The following GOLGA8B variants were observed in gnomAD, a reference collection of about 807,000 sequenced individuals.
GOLGA8B encodes golgin A8 family member B.
Under a neutral mutation model 15.6 loss-of-function variants are expected in GOLGA8B, and 1 was observed. That is an observed-to-expected ratio of 0.06 (90% CI 0.02 to 0.30). The LOEUF (loss-of-function observed/expected upper bound fraction) is 0.30, where lower values mean the gene tolerates loss of function less well. GOLGA8B is among the 10% of genes least tolerant of loss of function. The pLI is 1.00. For synonymous variants in GOLGA8B, 9 were observed against 80.3 expected (o/e 0.11, Z 4.75); for missense variants, 17 against 201.3 (o/e 0.08, Z 5.54).
At chr15:34,574,631 C>G (rs1566936036) in intron 1 of GOLGA8B, among the ~76,000 whole-genome samples, 1 of 152,126 alleles carries the variant, frequency 6.6e-6, no homozygotes, top group African/African-American at 2.4e-5. Context: ...AGGAGCCTAA[C>G]AAGTAGCAGG....
At chr15:34,583,087 T>C (rs1889289708) in intron 1 of GOLGA8B, among the ~76,000 whole-genome samples, 1 of 152,116 alleles carries the variant, frequency 6.6e-6, no homozygotes, top group East Asian at 1.9e-4. Flanking sequence ...AACTCAGTAG[T>C]TGCCGCCCAG....
At chr15:34,582,770 A>C (rs1257547860) in intron 1 of GOLGA8B, 1 of 152,046 alleles carries the variant, frequency 6.6e-6, no homozygotes, top group Non-Finnish European at 1.5e-5. Context: ...CGCCCGACCC[A>C]TGGAGCCCTG....
chr15:34,575,154 C>G (rs975213178), intron 1 of GOLGA8B, among the ~76,000 whole-genome samples: 1 of 151,864 alleles, frequency 6.6e-6, no homozygotes, highest in African/African-American at 2.4e-5. Context: ...ACTAGCAAGG[C>G]TGGGACTTGG....
intron 1 of GOLGA8B, among the ~76,000 whole-genome samples, chr15:34,557,064 G>C (rs1889039937): frequency 7.5e-6 from 1 of 132,716 alleles, no homozygotes; most frequent in Non-Finnish European, 1.7e-5. Context: ...CTCGTGTGTC[G>C]CAGAAGACAC....
Position 34,564,615 on chromosome 15 carries a change from T to C in GOLGA8B, c.-1122-10659A>G, listed in dbSNP as rs555133503. On this transcript the variant is annotated intron_variant, in intron 1 of 23. Coordinates refer to ENST00000683415, the MANE Select transcript of GOLGA8B (RefSeq NM_001023567.5). ...TTAAATGCAAATTTCGGAACAAAGATCTGTGTCTCTGCACTGACCAAATAG... is the reference window on the plus strand; with the variant it reads ...TTAAATGCAAATTTCGGAACAAAGACCTGTGTCTCTGCACTGACCAAATAG... Among the ~76,000 whole-genome samples, 61 of 146,060 alleles carry C rather than the reference T, an allele frequency of 4.2e-4. 4 individuals are homozygous for C. Among genetic ancestry groups the C allele is most frequent in the Admixed American group, 7.4e-4 (11 of 14,860 alleles).
In GOLGA8B at chr15:34,525,634, T is replaced by C. The variant is rs1382072254; in HGVS notation, c.*1998A>G. The C allele has an allele frequency of 2.0e-5, 3 of 149,900 alleles. No individual in the cohort carries two copies. Among genetic ancestry groups the C allele is most frequent in the African/African-American group, 4.9e-5 (2 of 40,568 alleles). The allele number at this position is 149,900 out of a possible 1,614,324, so 9.3% of individuals were successfully genotyped here. On this transcript the variant is annotated 3_prime_UTR_variant, in exon 24 of 24. Coordinates refer to ENST00000683415, the MANE Select transcript of GOLGA8B (RefSeq NM_001023567.5). ...TTTTAAACCCACGGGCTAGAAATCATACCACTATTAGCCACATTATTTGGT... is the reference window on the plus strand; with the variant it reads ...TTTTAAACCCACGGGCTAGAAATCACACCACTATTAGCCACATTATTTGGT...
chr15:34,575,076 A>T (rs1474125426), intron 1 of GOLGA8B, among the ~76,000 whole-genome samples: 1 of 151,086 alleles, frequency 6.6e-6, no homozygotes, highest in African/African-American at 2.4e-5. Context: ...GAACAGGGGC[A>T]ATTTAATCTA....
intron 1 of GOLGA8B, among the ~76,000 whole-genome samples, chr15:34,569,428 T>C (rs1888845953): frequency 6.6e-6 from 1 of 151,950 alleles, no homozygotes; most frequent in Non-Finnish European, 1.5e-5. Flanking sequence ...ACCACCCCCA[T>C]GCCTCTGGGC....
At chr15:34,581,753 T>C (rs934459653) in intron 1 of GOLGA8B, among the ~76,000 whole-genome samples, 13 of 152,002 alleles carry the variant, frequency 8.6e-5, no homozygotes, top group African/African-American at 2.9e-4. Context: ...ACACTCACAC[T>C]CCGTGGGACT....
chr15:34,547,031 A>G (rs1888305555), intron 4 of GOLGA8B, 49 bp from the exon 5 acceptor site: 1 of 100,554 alleles, frequency 9.9e-6, no homozygotes, highest in Non-Finnish European at 1.8e-5. Context: ...TCATATCAAG[A>G]AAGTTCAATC....
intron 1 of GOLGA8B, among the ~76,000 whole-genome samples, chr15:34,577,496 AT>A (rs1889113086): frequency 6.8e-6 from 1 of 146,522 alleles, no homozygotes; most frequent in African/African-American, 2.6e-5. Context: ...AATGAAAAAA[AT>A]TATATATCAT....
chr15:34,527,371 G>A lies in GOLGA8B; in HGVS notation c.*261C>T, dbSNP rs560260566. Reference sequence around the variant, plus strand: ...ACTCCCACCACGTAAGGGCAAACTCGATATGCATGCTAATGACCTACAATT... The same window carrying A: ...ACTCCCACCACGTAAGGGCAAACTCAATATGCATGCTAATGACCTACAATT... On this transcript the variant is annotated 3_prime_UTR_variant, in exon 24 of 24. Coordinates refer to ENST00000683415, the MANE Select transcript of GOLGA8B (RefSeq NM_001023567.5). The A allele has an allele frequency of 4.9e-4, 221 of 451,434 alleles. 10 individuals are homozygous for A. The highest frequency in any genetic ancestry group is 5.1e-4 in the Non-Finnish European group (132 of 256,896). 28.0% of individuals were successfully genotyped at this position (451,434 alleles called of 1,614,324 possible).
chr15:34,571,989 G>A (rs1888927275), intron 1 of GOLGA8B, among the ~76,000 whole-genome samples: 1 of 152,120 alleles, frequency 6.6e-6, no homozygotes, highest in African/African-American at 2.4e-5. Context: ...CAAATCAAGA[G>A]AAAAACAGGC....
At chr15:34,567,009 C>T (rs1432225318) in intron 1 of GOLGA8B, among the ~76,000 whole-genome samples, 1 of 117,002 alleles carries the variant, frequency 8.5e-6, no homozygotes, top group East Asian at 2.2e-4. Context: ...CATGGAGTGG[C>T]TCAGGTGCCC....
At chr15:34,577,504 TCATACA>T (rs879300445) in intron 1 of GOLGA8B, among the ~76,000 whole-genome samples, 3,138 of 100,580 alleles carry the variant, frequency 0.031, 42 homozygotes, top group Non-Finnish European at 0.045. Context: ...AAATTATATA[TCATACA>T]CACACACACA....
rs955425243 is a variant in GOLGA8B at position 34,583,603 on chromosome 15, C to G, written c.-1210G>C. 1 of 152,364 alleles carries G rather than the reference C, an allele frequency of 6.6e-6. No individual in the cohort carries two copies. The highest frequency in any genetic ancestry group is 2.4e-5 in the African/African-American group (1 of 41,518). The allele number at this position is 152,364 out of a possible 1,614,324, so 9.4% of individuals were successfully genotyped here. A position where few individuals can be genotyped will look rare whatever the true frequency, so the allele number is the denominator to read the frequency against. On this transcript the variant is annotated 5_prime_UTR_variant, in exon 1 of 24. Coordinates refer to ENST00000683415, the MANE Select transcript of GOLGA8B (RefSeq NM_001023567.5). Reference sequence around the variant, plus strand: ...TCCGGGAGGCTGAGCTCCTTGAGAGCCCGCACGTAGCGGCACACCGCGACT... The same window carrying G: ...TCCGGGAGGCTGAGCTCCTTGAGAGGCCGCACGTAGCGGCACACCGCGACT...
At chr15:34,577,154 C>T (rs1167818078) in intron 1 of GOLGA8B, among the ~76,000 whole-genome samples, 1 of 152,002 alleles carries the variant, frequency 6.6e-6, no homozygotes, top group Non-Finnish European at 1.5e-5. Context: ...CCACCAGCTC[C>T]GGATAATTCA....
At position 34,526,226 on chromosome 15, in the gene GOLGA8B, C is replaced by T. The variant is rs1888051827; in HGVS notation, c.*1406G>A. The T allele has an allele frequency of 6.7e-6, 1 of 150,030 alleles. No individual in the cohort carries two copies. Among genetic ancestry groups the T allele is most frequent in the African/African-American group, 2.5e-5 (1 of 40,590 alleles). 9.3% of individuals were successfully genotyped at this position (150,030 alleles called of 1,614,324 possible). Reference sequence around the variant, plus strand: ...CTGATAATACATTGACATTCACAAACAGTAGATTGCAGCACAGTGTGTAAA... The same window carrying T: ...CTGATAATACATTGACATTCACAAATAGTAGATTGCAGCACAGTGTGTAAA... On this transcript the variant is annotated 3_prime_UTR_variant, in exon 24 of 24. Coordinates refer to ENST00000683415, the MANE Select transcript of GOLGA8B (RefSeq NM_001023567.5).
intron 1 of GOLGA8B, among the ~76,000 whole-genome samples, chr15:34,574,490 A>G (rs1219064065): frequency 6.6e-6 from 1 of 151,848 alleles, no homozygotes; most frequent in African/African-American, 2.4e-5. Flanking sequence ...TTTTTTGTAG[A>G]GGTGAGGTCT....
Sources: allele counts gnomAD v4.1 joint callset (sites outside exome capture counted in the v4.1 genomes callset), GRCh38; gene constraint gnomAD v4.1.1; transcripts MANE v1.5; gene names NCBI Gene and HGNC (gene_info 2026-07-23, HGNC 2026-07-21).